LPA: variants seen among roughly 807,000 people sequenced by gnomAD.
LPA encodes lipoprotein(a), also known as apolipoprotein(a).
LPA carries 199 observed loss-of-function variants against 197.9 expected under a neutral mutation model. The ratio of observed to expected loss-of-function variants is 1.01; its 90% CI spans 0.90 to 1.13. LPA has a LOEUF of 1.13. LPA is among the 50% of genes most tolerant of loss of function. LPA has a pLI of 0.00. For missense variants in LPA, 1,853 were observed against 1,785.8 expected, an observed-to-expected ratio of 1.04 and a Z score of -0.68; for synonymous variants, 715 against 639.5, an observed-to-expected ratio of 1.12 and a Z score of -1.78.
intron 28 of LPA, among the ~76,000 whole-genome samples, chr6:160,569,425 C>A (rs9364562): frequency 0.18 from 27,947 of 151,804 alleles, 3,057 homozygotes; most frequent in East Asian, 0.4. Flanking sequence ...AACTGCCTAG[C>A]CATATGTAGA....
chr6:160,598,656 G>A (rs985257395), intron 20 of LPA, among the ~76,000 whole-genome samples: 4 of 152,068 alleles, frequency 2.6e-5, no homozygotes, highest in Admixed American at 6.6e-5. Flanking sequence ...TTTCAGCATC[G>A]CCCCTTTGCT....
At chr6:160,605,466 C>A (rs1011357463) in intron 17 of LPA, among the ~76,000 whole-genome samples, 1 of 152,072 alleles carries the variant, frequency 6.6e-6, no homozygotes, top group Admixed American at 6.6e-5. Context: ...CACATAAAAG[C>A]TTAGAAAAAA....
At position 160,586,841 on chromosome 6, in the gene LPA, G is replaced by A. The variant is rs143824506; in HGVS notation, c.3948-211C>T. ...TGATTCTTATTGTAACACATTCAAA[G>A]TAATCTATGCTTTATAAGAAAACTG... On this transcript the variant is annotated intron_variant, in intron 24 of 38. Transcript: ENST00000316300. 1.2e-3 allele frequency among the ~76,000 whole-genome samples: 184 copies of A among 152,314 alleles called. 2 individuals carry two copies. Among genetic ancestry groups the A allele is most frequent in the African/African-American group, 4.1e-3 (172 of 41,568 alleles).
chr6:160,650,633 CGT>C (rs1161986730), intron 1 of LPA, 136 bp from the exon 2 acceptor site: 11 of 800,796 alleles, frequency 1.4e-5, no homozygotes, highest in Non-Finnish European at 2.3e-5. Context: ...GGCAGACAGA[CGT>C]GCAAAAAACC....
chr6:160,647,317 A>G (rs2115094289), intron 2 of LPA, among the ~76,000 whole-genome samples: 1 of 152,336 alleles, frequency 6.6e-6, no homozygotes, highest in African/African-American at 2.4e-5. Flanking sequence ...GGGATCTTGA[A>G]GCATTCGCTC....
Position 160,605,070 on chromosome 6 carries a change from C to T in LPA, c.2921G>A (p.Arg974Gln), listed in dbSNP as rs202216263. The change falls in exon 18 of 39, where the codon CGG (arginine) becomes CAG (glutamine). Residue 974 changes from arginine to glutamine, a missense_variant. Physicochemically the swap from Arg to Gln is conservative, Grantham distance 43. Coordinates refer to ENST00000316300, the MANE Select transcript of LPA (RefSeq NM_005577.4). ...WSSMTPHSHS[R>Q]TPAYYPNAGL... is the part of the protein sequence containing the mutation. ...CGCATTTGGGTAGTATGCTGGGGTC[C>T]GACTATGCGAGTGTGGTGTCATAGA... is the stretch of plus-strand genomic sequence containing the variant. The T allele has an allele frequency of 5.8e-5, 93 of 1,613,616 alleles. No homozygotes were observed. The highest frequency in any genetic ancestry group is 8.0e-5 in the African/African-American group (6 of 74,878).
intron 20 of LPA, among the ~76,000 whole-genome samples, chr6:160,597,364 G>T (rs1382142835): frequency 6.6e-6 from 1 of 152,100 alleles, no homozygotes; most frequent in Non-Finnish European, 1.5e-5. Flanking sequence ...TCTTATTAGG[G>T]TAAAACACAT....
chr6:160,611,720 T>G lies in LPA; in HGVS notation c.2445A>C (p.Ala815=). ...GCACCCCAGGCCTCTGCTCAGTCGG[T>G]GCTGAAATGAAAACACAAGAAATAA... ...VPSLEAPSEQ[A]PTEQRPGVQE... Residue 815 remains alanine (A), a splice_region_variant and synonymous_variant, in exon 16 of 39, where the codon GCA becomes GCC. Transcript: ENST00000316300. The G allele has an allele frequency of 6.7e-7, 1 of 1,502,160 alleles. No individual in the cohort carries two copies. The highest frequency in any genetic ancestry group is 9.1e-7 in the Non-Finnish European group (1 of 1,101,388). 93.1% of individuals were successfully genotyped at this position (1,502,160 alleles called of 1,614,324 possible).
chr6:160,610,368 T>C (rs1779467434), intron 16 of LPA, among the ~76,000 whole-genome samples: 1 of 152,160 alleles, frequency 6.6e-6, no homozygotes, highest in Admixed American at 6.5e-5. Flanking sequence ...ATTCTAGTAA[T>C]ATACTAATTG....
chr6:160,561,420 G>T (rs977119604), intron 28 of LPA, among the ~76,000 whole-genome samples: 1 of 152,060 alleles, frequency 6.6e-6, no homozygotes, highest in African/African-American at 2.4e-5. Flanking sequence ...TGTTCTATTG[G>T]TCTATATATC....
chr6:160,558,076 C>T (rs1310393088), intron 28 of LPA, among the ~76,000 whole-genome samples: 3 of 152,034 alleles, frequency 2.0e-5, no homozygotes, highest in Non-Finnish European at 4.4e-5. Context: ...CCCGCCACCA[C>T]GCCTGGCTAA....
In LPA at chr6:160,556,058, C is replaced by T. The variant is rs748263185; in HGVS notation, c.4940G>A (p.Arg1647Gln). The change falls in exon 30 of 39, where the codon CGG becomes CAG. Residue 1647 changes from arginine (R) to glutamine (Q), a missense_variant. By Grantham distance (43) the Arg-to-Gln change is conservative. Coordinates refer to ENST00000316300, the MANE Select transcript of LPA (RefSeq NM_005577.4). Reference protein sequence around the residue: ...CQSWSSMTPHRHQRTPENYPN... With the variant: ...CQSWSSMTPHQHQRTPENYPN... ...GTAGTTTTCTGGGGTCCTCTGATGC[C>T]GGTGTGGTGTCATGGATGACCAAGA... 50 of 1,612,280 alleles carry T rather than the reference C, an allele frequency of 3.1e-5. No homozygotes were observed. The highest frequency in any genetic ancestry group is 3.0e-4 in the South Asian group (27 of 91,050).
At chr6:160,607,649 C>T (rs1582882338) in intron 16 of LPA, among the ~76,000 whole-genome samples, 1 of 152,042 alleles carries the variant, frequency 6.6e-6, no homozygotes, top group South Asian at 2.1e-4. Flanking sequence ...CCTGTGGCTG[C>T]CTGAGAAAAT....
intron 26 of LPA, among the ~76,000 whole-genome samples, chr6:160,583,203 T>C (rs1052414377): frequency 6.6e-6 from 1 of 152,224 alleles, no homozygotes; most frequent in African/African-American, 2.4e-5. Flanking sequence ...TTTCTCCTGG[T>C]TATGGGTCAC....
chr6:160,550,447 C>T (rs1778150352), intron 30 of LPA, among the ~76,000 whole-genome samples: 1 of 152,182 alleles, frequency 6.6e-6, no homozygotes, highest in South Asian at 2.1e-4. Context: ...CCCAGATTCT[C>T]CATTCCAGCA....
intron 8 of LPA, among the ~76,000 whole-genome samples, chr6:160,631,944 T>G (rs879749489): frequency 4.7e-3 from 706 of 149,012 alleles, no homozygotes; most frequent in South Asian, 7.2e-3. Context: ...TCTGTGTGTG[T>G]TAGAACTTGT....
intron 27 of LPA, among the ~76,000 whole-genome samples, 186 bp from the exon 28 acceptor site, chr6:160,577,481 G>T (rs1373630111): frequency 2.0e-5 from 3 of 152,102 alleles, no homozygotes; most frequent in Non-Finnish European, 4.4e-5. Flanking sequence ...TAAGTTCATA[G>T]AAACATTATT....
intron 1 of LPA, among the ~76,000 whole-genome samples, chr6:160,656,684 T>C (rs1244681234): frequency 6.6e-6 from 1 of 151,988 alleles, no homozygotes; most frequent in African/African-American, 2.4e-5. Context: ...GGAGAAAGAG[T>C]AACAGCATAA....
chr6:160,601,228 C>A, intron 18 of LPA, 130 bp from the exon 19 acceptor site: 1 of 773,216 alleles, frequency 1.3e-6, no homozygotes, highest in South Asian at 1.5e-5. Context: ...ACAATTGCCA[C>A]AATGACAAAT....
Sources: gnomAD v4.1 joint callset for allele counts (sites outside exome capture counted in the v4.1 genomes callset) on GRCh38, gnomAD v4.1.1 for gene constraint, MANE v1.5 for transcripts, NCBI Gene and HGNC (gene_info 2026-07-23, HGNC 2026-07-21) for gene names.